Variants in DDX10 observed in about 807,000 individuals in gnomAD.
The protein encoded by DDX10 is probable ATP-dependent RNA helicase DDX10.
Under a neutral mutation model 104.3 loss-of-function variants are expected in DDX10, and 74 were observed. The ratio of observed to expected loss-of-function variants is 0.71; its 90% CI spans 0.59 to 0.86. The LOEUF (loss-of-function observed/expected upper bound fraction) is 0.86. Among genes scored for constraint, DDX10 ranks in the 40% least tolerant of loss-of-function variants. The pLI, the probability that DDX10 is intolerant of heterozygous loss-of-function variation, is 0.00. For missense variants in DDX10, 952 were observed against 1,040.0 expected (o/e 0.92, Z 1.16); for synonymous variants, 351 against 353.4 (o/e 0.99, Z 0.08).
At chr11:108,925,246 G>T (rs1565320949) in intron 17 of DDX10, among the ~76,000 whole-genome samples, 1 of 152,202 alleles carries the variant, frequency 6.6e-6, no homozygotes, top group Non-Finnish European at 1.5e-5. Flanking sequence ...TGAGGACTGG[G>T]TTGAGATGGG....
At chr11:108,682,170 T>C (rs1340670539) in intron 6 of DDX10, among the ~76,000 whole-genome samples, 3 of 152,156 alleles carry the variant, frequency 2.0e-5, no homozygotes, top group African/African-American at 7.2e-5. Context: ...AGTGGCATGA[T>C]CTCGGGTCAC....
intron 13 of DDX10, among the ~76,000 whole-genome samples, chr11:108,824,578 ATACTG>A (rs1862370788): frequency 6.6e-6 from 1 of 152,216 alleles, no homozygotes. Context: ...AATGAAATCA[ATACTG>A]TCATTTTTTT....
intron 13 of DDX10, among the ~76,000 whole-genome samples, chr11:108,810,331 T>C (rs1030940141): frequency 7.9e-5 from 12 of 152,186 alleles, no homozygotes; most frequent in African/African-American, 2.9e-4. Flanking sequence ...TTTTACAGTA[T>C]TCCTTTCGAA....
intron 13 of DDX10, among the ~76,000 whole-genome samples, chr11:108,836,719 C>T (rs559956663): frequency 3.4e-4 from 51 of 152,194 alleles, no homozygotes; most frequent in Non-Finnish European, 5.6e-4. Context: ...GAACTCCTGA[C>T]CTCAAGTGAT....
chr11:108,686,631 A>T (rs1359418319), intron 6 of DDX10, among the ~76,000 whole-genome samples: 1 of 152,188 alleles, frequency 6.6e-6, no homozygotes, highest in African/African-American at 2.4e-5. Flanking sequence ...CAGTTTATTT[A>T]TCCATTCACT....
At chr11:108,810,131 ATT>A (rs1191569049) in intron 13 of DDX10, among the ~76,000 whole-genome samples, 6 of 152,162 alleles carry the variant, frequency 3.9e-5, no homozygotes, top group African/African-American at 1.4e-4. Flanking sequence ...TAGATGGACA[ATT>A]TCACTACAAG....
At chr11:108,778,403 A>C (rs556709464) in intron 13 of DDX10, among the ~76,000 whole-genome samples, 4 of 152,366 alleles carry the variant, frequency 2.6e-5, no homozygotes, top group Non-Finnish European at 5.9e-5. Context: ...ATCTACAACC[A>C]TCTGATCTTT....
chr11:108,670,017 A>G (rs894230649), intron 1 of DDX10, among the ~76,000 whole-genome samples: 2 of 152,174 alleles, frequency 1.3e-5, no homozygotes, highest in Admixed American at 6.5e-5. Context: ...AAGGTAATAT[A>G]TTTGTGTTGG....
chr11:108,812,364 C>G (rs1182049266), intron 13 of DDX10, among the ~76,000 whole-genome samples: 1 of 151,934 alleles, frequency 6.6e-6, no homozygotes, highest in African/African-American at 2.4e-5. Flanking sequence ...AATTAACTGC[C>G]TTTGTTTTCA....
At chr11:108,695,636 G>A (rs947999987) in intron 9 of DDX10, among the ~76,000 whole-genome samples, 2 of 151,852 alleles carry the variant, frequency 1.3e-5, no homozygotes, top group Non-Finnish European at 2.9e-5. Context: ...TTGTTTTTAT[G>A]TGGTCACTTT....
At chr11:108,847,223 A>G (rs1342421882) in intron 15 of DDX10, among the ~76,000 whole-genome samples, 1 of 152,236 alleles carries the variant, frequency 6.6e-6, no homozygotes, top group Non-Finnish European at 1.5e-5. Flanking sequence ...CATACAAGCA[A>G]TGTGTTTTCT....
At chr11:108,760,913 G>C (rs1247967030) in intron 13 of DDX10, among the ~76,000 whole-genome samples, 2 of 151,974 alleles carry the variant, frequency 1.3e-5, no homozygotes, top group Admixed American at 1.3e-4. Flanking sequence ...CTTCACTGAA[G>C]TGATGTGAAA....
chr11:108,706,718 A>G, intron 9 of DDX10, 21 bp from the exon 10 acceptor site: 1 of 1,590,860 alleles, frequency 6.3e-7, no homozygotes, highest in East Asian at 2.2e-5. Context: ...TGTGTTAAAG[A>G]TTTTGTTTCT....
At chr11:108,696,206 TC>T (rs924633401) in intron 9 of DDX10, among the ~76,000 whole-genome samples, 32 of 152,236 alleles carry the variant, frequency 2.1e-4, no homozygotes, top group African/African-American at 7.2e-4. Context: ...AGACAGAGTG[TC>T]GCTCTGTCAC....
intron 13 of DDX10, among the ~76,000 whole-genome samples, chr11:108,828,132 G>T (rs1486945876): frequency 6.6e-6 from 1 of 152,058 alleles, no homozygotes; most frequent in African/African-American, 2.4e-5. Context: ...GCTGGGGGTG[G>T]TATTAAGTTT....
At chr11:108,813,180 T>G (rs896562608) in intron 13 of DDX10, among the ~76,000 whole-genome samples, 1 of 152,116 alleles carries the variant, frequency 6.6e-6, no homozygotes, top group African/African-American at 2.4e-5. Context: ...AGAAGTGAAA[T>G]AACTAAGTCA....
At chr11:108,826,796 C>G (rs978376171) in intron 13 of DDX10, among the ~76,000 whole-genome samples, 1 of 152,196 alleles carries the variant, frequency 6.6e-6, no homozygotes, top group Non-Finnish European at 1.5e-5. Context: ...ATCCAGAACA[C>G]TGAAGCTCTA....
chr11:108,821,834 A>G (rs543399281), intron 13 of DDX10, among the ~76,000 whole-genome samples: 22 of 152,360 alleles, frequency 1.4e-4, no homozygotes, highest in Middle Eastern at 3.4e-3. Context: ...AAAGGAATCT[A>G]ATTAGATTGG....
intron 17 of DDX10, among the ~76,000 whole-genome samples, chr11:108,938,392 A>C (rs865916486): frequency 2.6e-5 from 4 of 152,236 alleles, no homozygotes; most frequent in Non-Finnish European, 4.4e-5. Context: ...GCAGGAGCAC[A>C]TTAACAGAGG....
Sources: gnomAD v4.1 joint callset for allele counts (sites outside exome capture counted in the v4.1 genomes callset) on GRCh38, gnomAD v4.1.1 for gene constraint, MANE v1.5 for transcripts, NCBI Gene and HGNC (gene_info 2026-07-23, HGNC 2026-07-21) for gene names.